The following DCDC1 variants were observed in gnomAD, a reference collection of about 807,000 sequenced individuals.
The protein encoded by DCDC1 is doublecortin domain containing 1.
Under a neutral mutation model 178.3 loss-of-function variants are expected in DCDC1, and 200 were observed. The ratio of observed to expected loss-of-function variants is 1.12; its 90% CI spans 1.00 to 1.26. The LOEUF is 1.26. Among genes scored for constraint, DCDC1 ranks in the 50% most tolerant of loss-of-function variants. DCDC1 has a pLI of 0.00. For synonymous variants in DCDC1, 690 were observed against 604.8 expected, an observed-to-expected ratio of 1.14 and a Z score of -2.07; for missense variants, 1,983 against 1,749.2, an observed-to-expected ratio of 1.13 and a Z score of -2.38.
At chr11:31,252,156 C>G (rs1047625940) in intron 8 of DCDC1, among the ~76,000 whole-genome samples, 11 of 152,128 alleles carry the variant, frequency 7.2e-5, no homozygotes, top group African/African-American at 2.4e-4. Context: ...TAAAGCAGGA[C>G]TATTAGCATA....
chr11:31,227,728 T>C (rs1399758101), intron 9 of DCDC1, among the ~76,000 whole-genome samples: 1 of 151,866 alleles, frequency 6.6e-6, no homozygotes, highest in Non-Finnish European at 1.5e-5. Flanking sequence ...ATGGAGAAAA[T>C]AGCAAGGCCC....
rs1223524914 is a variant in DCDC1, at chr11:31,176,133, A to G, written c.1222-38349T>C. 2.0e-5 allele frequency among the ~76,000 whole-genome samples: 3 copies of G among 152,236 alleles called. 1 individual carries two copies. The highest frequency in any genetic ancestry group is 4.4e-5 in the Non-Finnish European group (3 of 68,040). On this transcript the variant is annotated intron_variant, in intron 9 of 38. Transcript: ENST00000684477. ...GAAACTGAGCAAGATACAGCAGAAA[A>G]CAAACAATTCAATAACATTACAAAA...
intron 9 of DCDC1, among the ~76,000 whole-genome samples, chr11:31,228,149 G>A (rs1975255579): frequency 6.6e-6 from 1 of 151,784 alleles, no homozygotes; most frequent in Admixed American, 6.6e-5. Flanking sequence ...GAACAAACAT[G>A]GAACATTAAT....
At chr11:31,256,077 A>G (rs1262907435) in intron 8 of DCDC1, among the ~76,000 whole-genome samples, 1 of 152,200 alleles carries the variant, frequency 6.6e-6, no homozygotes, top group East Asian at 1.9e-4. Context: ...GATTGAAGAC[A>G]CTATTCTTTT....
chr11:31,234,707 C>T lies in DCDC1; in HGVS notation c.1221+6743G>A, dbSNP rs1045694072. 2.6e-5 allele frequency among the ~76,000 whole-genome samples: 4 copies of T among 152,010 alleles called. No individual in the cohort carries two copies. The South Asian group carries it at 6.2e-4, about 24-fold the overall frequency. ...ACCTCTCAGTGAGCATTATTGTTTT[C>T]GGAGGAGGGGGCAGGAGGCAGGGGG... is the stretch of plus-strand genomic sequence containing the variant. On this transcript the variant is annotated intron_variant, in intron 9 of 38. Coordinates refer to ENST00000684477, the MANE Select transcript of DCDC1 (RefSeq NM_001387274.1).
intron 30 of DCDC1, among the ~76,000 whole-genome samples, chr11:30,905,712 C>G (rs1945008944): frequency 6.6e-6 from 1 of 152,210 alleles, no homozygotes; most frequent in Non-Finnish European, 1.5e-5. Context: ...TCTTTCCAAC[C>G]AACTCCTCAC....
intron 9 of DCDC1, among the ~76,000 whole-genome samples, chr11:31,152,095 T>A (rs1965232029): frequency 1.3e-5 from 2 of 152,174 alleles, no homozygotes; most frequent in East Asian, 3.9e-4. Context: ...AAAATAAAAT[T>A]AAATATGAAT....
intron 37 of DCDC1, among the ~76,000 whole-genome samples, chr11:30,880,599 T>C (rs543778965): frequency 6.6e-6 from 1 of 152,274 alleles, no homozygotes; most frequent in East Asian, 1.9e-4. Context: ...TCTTTGCTAA[T>C]ATATACCTAC....
intron 20 of DCDC1, among the ~76,000 whole-genome samples, chr11:31,024,397 T>C (rs1481742079): frequency 6.6e-6 from 1 of 151,826 alleles, no homozygotes; most frequent in African/African-American, 2.4e-5. Flanking sequence ...ACACTCACAA[T>C]CTTAAGGAAC....
At chr11:31,268,805 C>T (rs1372368005) in intron 7 of DCDC1, among the ~76,000 whole-genome samples, 1 of 152,190 alleles carries the variant, frequency 6.6e-6, no homozygotes, top group Non-Finnish European at 1.5e-5. Context: ...CTGCTTTCCA[C>T]AGTAGCTGAA....
intron 38 of DCDC1, among the ~76,000 whole-genome samples, chr11:30,873,839 C>A (rs2133937387): frequency 6.6e-6 from 1 of 152,186 alleles, no homozygotes; most frequent in Non-Finnish European, 1.5e-5. Flanking sequence ...ATATATGTAC[C>A]ACAGCACTGA....
At chr11:31,332,980 G>A (rs964966893) in intron 2 of DCDC1, among the ~76,000 whole-genome samples, 1 of 152,130 alleles carries the variant, frequency 6.6e-6, no homozygotes, top group African/African-American at 2.4e-5. Flanking sequence ...TGACAGTGGG[G>A]TGTTAAAGTC....
intron 20 of DCDC1, among the ~76,000 whole-genome samples, chr11:30,972,178 T>A (rs1949838030): frequency 6.6e-6 from 1 of 152,190 alleles, no homozygotes; most frequent in South Asian, 2.1e-4. Flanking sequence ...CCATTGCATA[T>A]TATAGTATAA....
chr11:31,367,844 T>C (rs1952042030), intron 1 of DCDC1, among the ~76,000 whole-genome samples: 2 of 152,260 alleles, frequency 1.3e-5, no homozygotes, highest in African/African-American at 4.8e-5. Flanking sequence ...GAAATTTATG[T>C]AAAAATTGTT....
At chr11:30,961,390 T>C (rs1294911456) in intron 20 of DCDC1, among the ~76,000 whole-genome samples, 1 of 152,088 alleles carries the variant, frequency 6.6e-6, no homozygotes, top group Non-Finnish European at 1.5e-5. Context: ...TTGGATCTGG[T>C]ACAGTATATA....
intron 9 of DCDC1, among the ~76,000 whole-genome samples, chr11:31,172,435 C>A (rs367838792): frequency 2.6e-4 from 39 of 152,104 alleles, no homozygotes; most frequent in African/African-American, 3.9e-4. Flanking sequence ...CTATTATTGT[C>A]TATTTACTGA....
At chr11:31,115,065 T>C (rs1371104397) in intron 11 of DCDC1, among the ~76,000 whole-genome samples, 1 of 152,172 alleles carries the variant, frequency 6.6e-6, no homozygotes, top group East Asian at 1.9e-4. Context: ...TCAATGTAAA[T>C]ATAACTGTTC....
intron 20 of DCDC1, among the ~76,000 whole-genome samples, chr11:30,974,761 T>A (rs1271956194): frequency 6.6e-6 from 1 of 152,114 alleles, no homozygotes; most frequent in Non-Finnish European, 1.5e-5. Flanking sequence ...ATGGCTTCAC[T>A]GCCAAATTCT....
intron 7 of DCDC1, 139 bp from the exon 8 acceptor site, chr11:31,265,739 T>C (rs1358969125): frequency 2.8e-6 from 1 of 362,892 alleles, no homozygotes; most frequent in Non-Finnish European, 4.7e-6. Flanking sequence ...TGTTCTAATA[T>C]ATGAAATTTA....
Sources: allele counts gnomAD v4.1 joint callset (sites outside exome capture counted in the v4.1 genomes callset), GRCh38; gene constraint gnomAD v4.1.1; transcripts MANE v1.5; gene names NCBI Gene and HGNC (gene_info 2026-07-23, HGNC 2026-07-21).